PPTC7: variants seen among roughly 807,000 people sequenced by gnomAD.
The protein encoded by PPTC7 is protein phosphatase targeting COQ7.
Under a neutral mutation model 30.8 loss-of-function variants are expected in PPTC7, and 6 were observed. That is an observed-to-expected ratio of 0.19 (90% CI 0.11 to 0.38). PPTC7 has a LOEUF of 0.38. Among genes scored for constraint, PPTC7 ranks in the 10% least tolerant of loss-of-function variants. The pLI, the probability that PPTC7 is intolerant of heterozygous loss-of-function variation, is 1.00. For synonymous variants in PPTC7, 163 were observed against 168.1 expected, an observed-to-expected ratio of 0.97 and a Z score of 0.23; for missense variants, 218 against 404.8, an observed-to-expected ratio of 0.54 and a Z score of 3.96.
In PPTC7 at chr12:110,579,442, G is replaced by A. The variant is rs149882401; in HGVS notation, c.223+3367C>T. ...CTACCAGTATCTGACTGTGTCTGCT[G>A]GCATTCCCTTCAAGGGTACAGAGCT... is the stretch of plus-strand genomic sequence containing the variant. On this transcript the variant is annotated intron_variant, in intron 1 of 5. Coordinates refer to ENST00000354300, the MANE Select transcript of PPTC7 (RefSeq NM_139283.2). Among the ~76,000 whole-genome samples, 5 of 152,258 alleles carry A rather than the reference G, an allele frequency of 3.3e-5. No homozygotes were observed. In the East Asian group the frequency reaches 9.6e-4, roughly 29 times the overall value.
At chr12:110,562,202 T>C (rs1459063830) in intron 1 of PPTC7, among the ~76,000 whole-genome samples, 1 of 147,374 alleles carries the variant, frequency 6.8e-6, no homozygotes, top group African/African-American at 2.5e-5. Context: ...GGAGAATCGT[T>C]TGAACCCAGG....
intron 2 of PPTC7, among the ~76,000 whole-genome samples, chr12:110,549,850 G>T (rs1456290192): frequency 6.6e-6 from 1 of 152,132 alleles, no homozygotes; most frequent in Non-Finnish European, 1.5e-5. Context: ...CATGCAGGAG[G>T]CAGTCCCCTG....
At position 110,534,412 on chromosome 12, in the gene PPTC7, G is replaced by A. The variant is rs2135754953; in HGVS notation, c.*2625C>T. On this transcript the variant is annotated 3_prime_UTR_variant, in exon 6 of 6. Coordinates refer to ENST00000354300, the MANE Select transcript of PPTC7 (RefSeq NM_139283.2). ...TTACATGAGGCGTGTGTGTGTGTGT[G>A]TGTTGCTTAAAATATAATTAACACA... The A allele has an allele frequency of 6.6e-6, 1 of 151,998 alleles. No individual in the cohort carries two copies. The highest frequency in any genetic ancestry group is 2.4e-5 in the African/African-American group (1 of 41,456). The allele number at this position is 151,998 out of a possible 1,614,324, so 9.4% of individuals were successfully genotyped here. A position where few individuals can be genotyped will look rare whatever the true frequency, so the allele number is the denominator to read the frequency against.
chr12:110,546,108 T>C (rs562191873), intron 2 of PPTC7, 30 bp from the exon 3 acceptor site: 1 of 1,595,192 alleles, frequency 6.3e-7, no homozygotes, highest in South Asian at 1.1e-5. Context: ...CCATTTATTT[T>C]TTCTTCCTAG....
chr12:110,533,751 T>C lies in PPTC7; in HGVS notation c.*3286A>G, dbSNP rs1246224250. On this transcript the variant is annotated 3_prime_UTR_variant, in exon 6 of 6. Transcript: ENST00000354300. ...AAACGTTTACAATTCGAGCCAATCT[T>C]GTTTACATTCTCTCAAACACTCAAA... 2.0e-5 allele frequency: 3 copies of C among 152,218 alleles called. No homozygotes were observed. In the South Asian group the frequency reaches 6.2e-4, roughly 31 times the overall value. 9.4% of individuals were successfully genotyped at this position (152,218 alleles called of 1,614,324 possible). A position where few individuals can be genotyped will look rare whatever the true frequency, so the allele number is the denominator to read the frequency against.
At position 110,536,180 on chromosome 12, in the gene PPTC7, A is replaced by G. The variant is rs1339135092; in HGVS notation, c.*857T>C. The G allele has an allele frequency of 6.6e-6, 1 of 152,246 alleles. No individual in the cohort carries two copies. Among genetic ancestry groups the G allele is most frequent in the Non-Finnish European group, 1.5e-5 (1 of 68,040 alleles). The allele number at this position is 152,246 out of a possible 1,614,324, so 9.4% of individuals were successfully genotyped here. ...GGACCTAGAGTTCCCATTCAGGGGC[A>G]TTCTATCAGACAACTAGGAGGAATT... On this transcript the variant is annotated 3_prime_UTR_variant, in exon 6 of 6. Coordinates refer to ENST00000354300, the MANE Select transcript of PPTC7 (RefSeq NM_139283.2).
chr12:110,564,204 G>A (rs945788555), intron 1 of PPTC7, among the ~76,000 whole-genome samples: 21 of 152,164 alleles, frequency 1.4e-4, no homozygotes, highest in African/African-American at 5.1e-4. Context: ...TTCTGGACAG[G>A]AGGAGGCAAC....
rs554258480 is a variant in PPTC7, at chr12:110,570,101, A to G, written c.223+12708T>C. Reference sequence around the variant, plus strand: ...CTGTGTAGAAAGAAGTAGACATGGGAGACTCCATTTTGTTATGTACTAAGA... The same window carrying G: ...CTGTGTAGAAAGAAGTAGACATGGGGGACTCCATTTTGTTATGTACTAAGA... On this transcript the variant is annotated intron_variant, in intron 1 of 5. Transcript: ENST00000354300. Among the ~76,000 whole-genome samples, 243 of 152,034 alleles carry G rather than the reference A, an allele frequency of 1.6e-3. 2 individuals are homozygous for G. Among genetic ancestry groups the G allele is most frequent in the African/African-American group, 5.7e-3 (235 of 41,390 alleles).
chr12:110,580,120 C>T (rs1406147927), intron 1 of PPTC7, among the ~76,000 whole-genome samples: 1 of 152,064 alleles, frequency 6.6e-6, no homozygotes, highest in Non-Finnish European at 1.5e-5. Context: ...TCCCTTTATC[C>T]CCTAGTCCAG....
chr12:110,543,435 G>GA (rs797006893), intron 3 of PPTC7, among the ~76,000 whole-genome samples: 1,741 of 140,072 alleles, frequency 0.012, 80 homozygotes, highest in Admixed American at 0.09. Context: ...CATGCAGCAT[G>GA]AAAAAAAAAA....
Position 110,536,451 on chromosome 12 carries a change from G to A in PPTC7, c.*586C>T, listed in dbSNP as rs2064218738. On this transcript the variant is annotated 3_prime_UTR_variant, in exon 6 of 6. Coordinates refer to ENST00000354300, the MANE Select transcript of PPTC7 (RefSeq NM_139283.2). ...TTTTCTCCCGATTTGTAACAAAAAA[G>A]CTTTTGGGATCAAAACTGTATAACC... 6.6e-6 allele frequency: 1 copy of A among 152,096 alleles called. No homozygotes were observed. Among genetic ancestry groups the A allele is most frequent in the Admixed American group, 6.5e-5 (1 of 15,276 alleles). The allele number at this position is 152,096 out of a possible 1,614,324, so 9.4% of individuals were successfully genotyped here.
intron 2 of PPTC7, chr12:110,546,503 G>C: frequency 5.5e-6 from 1 of 180,566 alleles, no homozygotes. Context: ...TTAGTCATTG[G>C]CCACAAAATT....
intron 3 of PPTC7, among the ~76,000 whole-genome samples, chr12:110,540,499 GCAC>G (rs2064250964): frequency 6.6e-6 from 1 of 151,830 alleles, no homozygotes; most frequent in African/African-American, 2.4e-5. Context: ...CCACAGTCAT[GCAC>G]CACCACGCCT....
At chr12:110,544,910 G>C (rs2135765411) in intron 3 of PPTC7, among the ~76,000 whole-genome samples, 1 of 152,216 alleles carries the variant, frequency 6.6e-6, no homozygotes, top group East Asian at 1.9e-4. Context: ...AAAGATGTGA[G>C]AAAGAAAAAG....
chr12:110,562,140 CCATGCCTGGTGGCG>C (rs756227286), intron 1 of PPTC7, among the ~76,000 whole-genome samples: 11 of 151,674 alleles, frequency 7.3e-5, no homozygotes, highest in Non-Finnish European at 1.2e-4. Context: ...AAAAAATTAG[CCATGCCTGGTGGCG>C]CATGCCTGTA....
At chr12:110,565,481 C>G (rs1204100695) in intron 1 of PPTC7, among the ~76,000 whole-genome samples, 1 of 152,100 alleles carries the variant, frequency 6.6e-6, no homozygotes, top group Admixed American at 6.6e-5. Flanking sequence ...GTCTTGAACT[C>G]CTGACCTTGT....
At chr12:110,582,298 C>T (rs568338507) in intron 1 of PPTC7, among the ~76,000 whole-genome samples, 1 of 152,336 alleles carries the variant, frequency 6.6e-6, no homozygotes, top group South Asian at 2.1e-4. Context: ...GATTTGGTTA[C>T]CATCCAGGCG....
chr12:110,544,844 C>A (rs2064292401), intron 3 of PPTC7, among the ~76,000 whole-genome samples: 1 of 150,552 alleles, frequency 6.6e-6, no homozygotes, highest in Non-Finnish European at 1.5e-5. Context: ...AGAGAAGGGG[C>A]GGGGAAAAAA....
chr12:110,538,048 G>A, intron 5 of PPTC7, 96 bp downstream of exon 5: 1 of 1,345,526 alleles, frequency 7.4e-7, no homozygotes, highest in Non-Finnish European at 1.0e-6. Context: ...GGCTGGGAGA[G>A]GACACCTCCA....
Sources: gnomAD v4.1 joint callset for allele counts (sites outside exome capture counted in the v4.1 genomes callset) on GRCh38, gnomAD v4.1.1 for gene constraint, MANE v1.5 for transcripts, NCBI Gene and HGNC (gene_info 2026-07-23, HGNC 2026-07-21) for gene names.